Variants in CAPN5 observed in about 807,000 individuals in gnomAD.
The protein encoded by CAPN5 is calpain 5.
A neutral mutation model predicts 73.0 loss-of-function variants in CAPN5; 54 were observed. That is an observed-to-expected ratio of 0.74 (90% confidence interval 0.59 to 0.93). CAPN5 has a LOEUF of 0.93. Among genes scored for constraint, CAPN5 ranks in the 40% least tolerant of loss-of-function variants. The probability of loss-of-function intolerance (pLI) is 0.00; values close to 1 mark genes in which losing one functional copy is unlikely to be tolerated. For missense variants in CAPN5, 785 were observed against 882.9 expected, an observed-to-expected ratio of 0.89 and a Z score of 1.41; for synonymous variants, 335 against 356.9, an observed-to-expected ratio of 0.94 and a Z score of 0.69.
At chr11:77,087,705 G>C (rs1021824666) in intron 2 of CAPN5, among the ~76,000 whole-genome samples, 2 of 152,086 alleles carry the variant, frequency 1.3e-5, no homozygotes, top group African/African-American at 2.4e-5. Context: ...GAAATGACTT[G>C]AGGTATCTGT....
chr11:77,121,829 G>A (rs1282027219), intron 10 of CAPN5, 105 bp from the exon 11 acceptor site: 4 of 620,944 alleles, frequency 6.4e-6, no homozygotes, highest in Admixed American at 3.0e-5. Flanking sequence ...TCAAGTTTGG[G>A]CTAAATACTG....
At chr11:77,084,731 A>T in intron 1 of CAPN5, 121 bp from the exon 2 acceptor site, 1 of 796,648 alleles carries the variant, frequency 1.3e-6, no homozygotes, top group Non-Finnish European at 2.1e-6. Context: ...GACCTTGGGT[A>T]GGCTCCACGC....
chr11:77,114,955 C>T (rs781840062), intron 5 of CAPN5, among the ~76,000 whole-genome samples: 5 of 151,900 alleles, frequency 3.3e-5, no homozygotes, highest in African/African-American at 7.3e-5. Context: ...CCCAGCTACT[C>T]GGGAGGCTGA....
intron 4 of CAPN5, chr11:77,113,032 G>A (rs3781683): frequency 0.17 from 101,151 of 585,772 alleles, 9,058 homozygotes; most frequent in Middle Eastern, 0.22. Context: ...CATTTTAGGG[G>A]GAGAAGACTG....
intron 3 of CAPN5, among the ~76,000 whole-genome samples, chr11:77,100,217 C>T (rs1950270393): frequency 6.6e-6 from 1 of 152,174 alleles, no homozygotes; most frequent in African/African-American, 2.4e-5. Context: ...TTCATTGCTA[C>T]ATCCAGCCTT....
chr11:77,122,265 G>T (rs1006999403), intron 11 of CAPN5, among the ~76,000 whole-genome samples: 1 of 152,222 alleles, frequency 6.6e-6, no homozygotes, highest in Non-Finnish European at 1.5e-5. Context: ...CCTCAGGAAA[G>T]GCTTCCTGGA....
intron 3 of CAPN5, among the ~76,000 whole-genome samples, chr11:77,109,504 C>T (rs1950389131): frequency 6.6e-6 from 1 of 152,092 alleles, no homozygotes; most frequent in African/African-American, 2.4e-5. Flanking sequence ...CTGTTTTTGC[C>T]CTTATTGATG....
intron 2 of CAPN5, among the ~76,000 whole-genome samples, 159 bp from the exon 3 acceptor site, chr11:77,093,523 A>C (rs529045212): frequency 1.4e-4 from 22 of 152,176 alleles, no homozygotes; most frequent in African/African-American, 4.8e-4. Flanking sequence ...GATGGGCCCT[A>C]TGGGGCCCCA....
At chr11:77,085,175 G>A (rs1009739738) in intron 2 of CAPN5, 124 bp downstream of exon 2, 49 of 808,376 alleles carry the variant, frequency 6.1e-5, no homozygotes, top group Non-Finnish European at 9.6e-5. Flanking sequence ...GAGAAAGTGA[G>A]GGTGCTGAAA....
chr11:77,105,090 C>T (rs776113651), intron 3 of CAPN5, among the ~76,000 whole-genome samples: 33 of 151,748 alleles, frequency 2.2e-4, no homozygotes, highest in Non-Finnish European at 2.5e-4. Context: ...TGAGCTCTTC[C>T]TGCAGCTCTG....
Position 77,086,378 on chromosome 11 carries a change from C to A in CAPN5, c.165+1327C>A, listed in dbSNP as rs192203330. Among the ~76,000 whole-genome samples, 115 of 152,236 alleles carry A rather than the reference C, an allele frequency of 7.6e-4. No homozygotes were observed. The Middle Eastern group carries it at 0.01, about 14-fold the overall frequency. On this transcript the variant is annotated intron_variant, in intron 2 of 12. Coordinates refer to ENST00000648180, the MANE Select transcript of CAPN5 (RefSeq NM_004055.5). ...AAACTGAGGCCAAGAGAGGAAGGTG[C>A]GTGTCCTAGATCACCCATGAGCTGC...
chr11:77,111,901 G>A (rs1032444435), intron 3 of CAPN5, among the ~76,000 whole-genome samples: 1 of 152,176 alleles, frequency 6.6e-6, no homozygotes, highest in East Asian at 1.9e-4. Context: ...AGTCTACTGA[G>A]TAATGAGGAG....
At chr11:77,074,369 C>T (rs768959644) in intron 1 of CAPN5, among the ~76,000 whole-genome samples, 24 of 151,780 alleles carry the variant, frequency 1.6e-4, no homozygotes, top group Non-Finnish European at 2.4e-4. Context: ...CCCCAGGCTC[C>T]GCCCACCCAG....
At chr11:77,096,217 A>G (rs1194585042) in intron 3 of CAPN5, among the ~76,000 whole-genome samples, 41 of 152,094 alleles carry the variant, frequency 2.7e-4, no homozygotes, top group Non-Finnish European at 4.4e-5. Flanking sequence ...AGCCTCAGAC[A>G]CACTGAGCAT....
At chr11:77,110,979 T>A (rs1225380659) in intron 3 of CAPN5, among the ~76,000 whole-genome samples, 3 of 151,992 alleles carry the variant, frequency 2.0e-5, no homozygotes, top group Non-Finnish European at 1.5e-5. Context: ...GGGGCTCAGC[T>A]CCACTTGGTC....
chr11:77,082,961 G>A (rs1242391634), intron 1 of CAPN5, among the ~76,000 whole-genome samples: 3 of 152,148 alleles, frequency 2.0e-5, no homozygotes, highest in African/African-American at 4.8e-5. Context: ...TGACCCTGCC[G>A]GAAACCCGTG....
At chr11:77,084,213 G>A (rs1285645599) in intron 1 of CAPN5, among the ~76,000 whole-genome samples, 1 of 152,032 alleles carries the variant, frequency 6.6e-6, no homozygotes, top group Non-Finnish European at 1.5e-5. Flanking sequence ...CAGCACATTG[G>A]TGCAAAGTTC....
At chr11:77,094,395 T>C (rs139465289) in intron 3 of CAPN5, among the ~76,000 whole-genome samples, 335 of 152,226 alleles carry the variant, frequency 2.2e-3, no homozygotes, top group Middle Eastern at 3.4e-3. Flanking sequence ...GCTGGTGTTC[T>C]GGACCAGGGC....
At chr11:77,073,509 C>G (rs75865480) in intron 1 of CAPN5, among the ~76,000 whole-genome samples, 1,710 of 152,266 alleles carry the variant, frequency 0.011, 30 homozygotes, top group African/African-American at 0.038. Context: ...CAGAGACACA[C>G]AGAGCCAGGC....
Sources: allele counts gnomAD v4.1 joint callset (sites outside exome capture counted in the v4.1 genomes callset), GRCh38; gene constraint gnomAD v4.1.1; transcripts MANE v1.5; gene names NCBI Gene and HGNC (gene_info 2026-07-23, HGNC 2026-07-21).